The following PCID2 variants were observed in gnomAD, a reference collection of about 807,000 sequenced individuals.
PCID2 encodes the protein PCI domain containing 2.
Under a neutral mutation model 61.3 loss-of-function variants are expected in PCID2, and 41 were observed. The observed-to-expected ratio is 0.67, with a 90% CI of 0.52 to 0.87. The LOEUF (loss-of-function observed/expected upper bound fraction) is 0.87. Ranked by LOEUF, PCID2 falls within the 40% of genes least tolerant of loss-of-function variation. The pLI is 0.00. For synonymous variants in PCID2, 187 were observed against 177.8 expected (o/e 1.05, Z -0.41); for missense variants, 392 against 493.4 (o/e 0.79, Z 1.95).
chr13:113,207,292 T>G (rs9549691), intron 1 of PCID2, among the ~76,000 whole-genome samples: 27,657 of 152,236 alleles, frequency 0.18, 3,044 homozygotes, highest in South Asian at 0.41. Context: ...TAAGCTAAGT[T>G]GTATGTTTTT....
At chr13:113,196,760 T>C (rs1278636268) in intron 4 of PCID2, among the ~76,000 whole-genome samples, 1 of 152,234 alleles carries the variant, frequency 6.6e-6, no homozygotes, top group Non-Finnish European at 1.5e-5. Context: ...GAAGTATGAA[T>C]TGGTTTGATT....
chr13:113,181,311 C>G, intron 9 of PCID2, 81 bp from the exon 10 acceptor site: 1 of 820,486 alleles, frequency 1.2e-6, no homozygotes, highest in Non-Finnish European at 2.1e-6. Flanking sequence ...CTACCACTGT[C>G]TCCTGATTTA....
At position 113,178,957 on chromosome 13, in the gene PCID2, C is replaced by A; in HGVS notation, c.1110+9G>T. The A allele has an allele frequency of 6.2e-7, 1 of 1,609,830 alleles. No homozygotes were observed. The highest frequency in any genetic ancestry group is 8.5e-7 in the Non-Finnish European group (1 of 1,178,306). ...GTAGCTGCTTAAATTAAAACCAGGA[C>A]TCACACACCATGTATATCAAGTTAG... is the stretch of plus-strand genomic sequence containing the variant. On this transcript the variant is annotated intron_variant, in intron 13 of 13. Coordinates refer to ENST00000337344, the MANE Select transcript of PCID2 (RefSeq NM_001127202.4).
downstream of PCID2, among the ~76,000 whole-genome samples, chr13:113,173,643 T>C (rs1392124520): frequency 3.9e-5 from 6 of 152,176 alleles, no homozygotes; most frequent in Non-Finnish European, 8.8e-5. Flanking sequence ...AAATGGCCCA[T>C]TTCTCTGAAA....
At chr13:113,190,230 T>TAA (rs57820999) in intron 7 of PCID2, among the ~76,000 whole-genome samples, 5 of 129,562 alleles carry the variant, frequency 3.9e-5, no homozygotes, top group East Asian at 4.4e-4. Context: ...CAGAAGAAAT[T>TAA]AAAAAAAAAA....
intron 8 of PCID2, 58 bp downstream of exon 8, chr13:113,185,427 G>A: frequency 1.7e-6 from 2 of 1,166,146 alleles, no homozygotes; most frequent in Non-Finnish European, 2.6e-6. Flanking sequence ...TATGATATGT[G>A]GGAAGCCCAG....
At chr13:113,190,786 C>T (rs894034983) in intron 7 of PCID2, 86 bp downstream of exon 7, 24 of 648,152 alleles carry the variant, frequency 3.7e-5, no homozygotes, top group East Asian at 2.7e-4. Flanking sequence ...TATGTGTCAA[C>T]AATAAACACA....
downstream of PCID2, among the ~76,000 whole-genome samples, chr13:113,175,917 C>A (rs1375071890): frequency 1.3e-5 from 2 of 152,242 alleles, no homozygotes; most frequent in Non-Finnish European, 2.9e-5. Context: ...GGGAGCCCAC[C>A]CACAGCCCTG....
At chr13:113,180,283 C>G (rs1389581069) in intron 10 of PCID2, 52 bp from the exon 11 acceptor site, 2 of 1,366,096 alleles carry the variant, frequency 1.5e-6, no homozygotes, top group African/African-American at 2.9e-5. Flanking sequence ...ACAAAATTGT[C>G]CTTGATAAAT....
At chr13:113,175,756 G>A (rs892365754), downstream of PCID2, among the ~76,000 whole-genome samples, 4 of 152,214 alleles carry the variant, frequency 2.6e-5, no homozygotes, top group African/African-American at 4.8e-5. Context: ...GCTTGCCTTC[G>A]TGCATTCATC....
downstream of PCID2, among the ~76,000 whole-genome samples, chr13:113,176,229 A>G (rs1273178945): frequency 6.6e-6 from 1 of 152,252 alleles, no homozygotes; most frequent in Non-Finnish European, 1.5e-5. Context: ...CAAATGCAGT[A>G]ACTTTGCAAA....
At chr13:113,192,577 C>A (rs573611224) in intron 6 of PCID2, among the ~76,000 whole-genome samples, 1 of 152,292 alleles carries the variant, frequency 6.6e-6, no homozygotes, top group African/African-American at 2.4e-5. Context: ...TTGCCAATGA[C>A]AACATTTGTG....
chr13:113,207,205 C>T (rs1186578036), intron 1 of PCID2, among the ~76,000 whole-genome samples: 2 of 152,146 alleles, frequency 1.3e-5, no homozygotes, highest in African/African-American at 4.8e-5. Context: ...TTTTGCTACC[C>T]GAACCTGTTA....
At chr13:113,172,670 A>G (rs1269318582), downstream of PCID2, among the ~76,000 whole-genome samples, 1 of 152,196 alleles carries the variant, frequency 6.6e-6, no homozygotes, top group Non-Finnish European at 1.5e-5. Context: ...CAGAGAGCAC[A>G]AGAGAGGCTG....
the PCID2 span, among the ~76,000 whole-genome samples, chr13:113,169,422 G>C: frequency 6.6e-6 from 1 of 152,116 alleles, no homozygotes; most frequent in Non-Finnish European, 1.5e-5. Context: ...ACTCAGTTTT[G>C]GGATATTTTT....
chr13:113,191,900 C>T (rs1566963134), intron 6 of PCID2, among the ~76,000 whole-genome samples: 2 of 152,196 alleles, frequency 1.3e-5, no homozygotes, highest in African/African-American at 4.8e-5. Context: ...CGTTCTTAAA[C>T]ACCAGACACT....
intron 8 of PCID2, among the ~76,000 whole-genome samples, chr13:113,185,048 G>A (rs1249303178): frequency 6.6e-5 from 10 of 152,262 alleles, no homozygotes; most frequent in Non-Finnish European, 7.3e-5. Context: ...CTGCTGACAC[G>A]TGATGGGCTG....
At chr13:113,170,933 T>A in the PCID2 span, among the ~76,000 whole-genome samples, 1 of 151,982 alleles carries the variant, frequency 6.6e-6, no homozygotes, top group Non-Finnish European at 1.5e-5. Flanking sequence ...TCTTTCTTTT[T>A]TTTTTTTGAG....
At chr13:113,201,815 CA>C (rs34103745) in intron 1 of PCID2, among the ~76,000 whole-genome samples, 1,398 of 59,364 alleles carry the variant, frequency 0.024, 13 homozygotes, top group African/African-American at 0.084. Flanking sequence ...GACTCCGTCT[CA>C]AAAAAAAAAA....
Sources: gnomAD v4.1 joint callset for allele counts (sites outside exome capture counted in the v4.1 genomes callset) on GRCh38, gnomAD v4.1.1 for gene constraint, MANE v1.5 for transcripts, NCBI Gene and HGNC (gene_info 2026-07-23, HGNC 2026-07-21) for gene names.